STXBP5: variants seen among roughly 807,000 people sequenced by gnomAD.
The protein encoded by STXBP5 is syntaxin-binding protein 5.
In STXBP5, 50 loss-of-function variants were observed where a neutral mutation model predicts 152.4. That is an observed-to-expected ratio of 0.33 (90% CI 0.26 to 0.42). The LOEUF (loss-of-function observed/expected upper bound fraction) is 0.42. STXBP5 is among the 10% of genes least tolerant of loss of function. The probability of loss-of-function intolerance (pLI) is 1.00; values close to 1 mark genes in which losing one functional copy is unlikely to be tolerated. For missense variants in STXBP5, 1,167 were observed against 1,388.6 expected (o/e 0.84, Z 2.54); for synonymous variants, 492 against 494.7 (o/e 0.99, Z 0.07).
At chr6:147,274,978 A>G (rs566231819) in intron 7 of STXBP5, among the ~76,000 whole-genome samples, 2 of 152,306 alleles carry the variant, frequency 1.3e-5, no homozygotes, top group South Asian at 4.1e-4. Flanking sequence ...CAAAACCAGT[A>G]TGTAGAGAAT....
At chr6:147,338,008 T>A (rs1783914555) in intron 19 of STXBP5, among the ~76,000 whole-genome samples, 1 of 152,112 alleles carries the variant, frequency 6.6e-6, no homozygotes, top group Non-Finnish European at 1.5e-5. Context: ...GAGTGTTATA[T>A]GTGGTGTCAA....
intron 15 of STXBP5, 33 bp from the exon 16 acceptor site, chr6:147,316,194 TTA>T: frequency 6.3e-7 from 1 of 1,584,642 alleles, no homozygotes; most frequent in African/African-American, 1.3e-5. Context: ...GCAATAATTA[TTA>T]GGAGTAAGTA....
chr6:147,242,411 A>C (rs1036808663), intron 4 of STXBP5, among the ~76,000 whole-genome samples: 4 of 152,104 alleles, frequency 2.6e-5, no homozygotes, highest in Non-Finnish European at 5.9e-5. Context: ...TTTAGCCTGG[A>C]CTAAGAGTCC....
intron 8 of STXBP5, among the ~76,000 whole-genome samples, chr6:147,289,419 C>T (rs187822231): frequency 4.6e-5 from 7 of 152,136 alleles, no homozygotes; most frequent in African/African-American, 1.7e-4. Flanking sequence ...TTTGGAAGAA[C>T]CGATATTTTA....
intron 8 of STXBP5, among the ~76,000 whole-genome samples, chr6:147,285,599 G>A (rs139944010): frequency 6.6e-6 from 1 of 152,020 alleles, no homozygotes; most frequent in East Asian, 1.9e-4. Context: ...CAGAGGGACA[G>A]AAGTAAAAGT....
intron 26 of STXBP5, among the ~76,000 whole-genome samples, chr6:147,382,342 A>G (rs769348650): frequency 3.9e-5 from 6 of 152,176 alleles, no homozygotes; most frequent in Non-Finnish European, 5.9e-5. Context: ...TAAGCACAGT[A>G]TATTTTTAAG....
chr6:147,287,754 G>A (rs1431840358), intron 8 of STXBP5, among the ~76,000 whole-genome samples: 1 of 152,072 alleles, frequency 6.6e-6, no homozygotes, highest in Non-Finnish European at 1.5e-5. Context: ...ATATGCCATA[G>A]GAATTGGTCC....
chr6:147,353,809 G>A (rs908849077), intron 22 of STXBP5, among the ~76,000 whole-genome samples: 34 of 151,994 alleles, frequency 2.2e-4, no homozygotes, highest in African/African-American at 6.5e-4. Flanking sequence ...AAGAATCATC[G>A]TTACTAACTT....
At chr6:147,344,755 G>A (rs943678812) in intron 21 of STXBP5, among the ~76,000 whole-genome samples, 2 of 151,950 alleles carry the variant, frequency 1.3e-5, no homozygotes, top group African/African-American at 2.4e-5. Flanking sequence ...CTGGGGCTTA[G>A]GGCTTCTATA....
chr6:147,340,046 T>C (rs1784021012), intron 21 of STXBP5, among the ~76,000 whole-genome samples: 1 of 152,026 alleles, frequency 6.6e-6, no homozygotes, highest in Admixed American at 6.6e-5. Flanking sequence ...GTTCAGATGT[T>C]CTCCAAAGAT....
chr6:147,350,423 TAAATATGTTAA>T (rs1005613028), intron 21 of STXBP5, among the ~76,000 whole-genome samples: 4 of 152,136 alleles, frequency 2.6e-5, no homozygotes, highest in Non-Finnish European at 5.9e-5. Context: ...AATGAAAGCA[TAAATATGTTAA>T]ATAAACGTTC....
At chr6:147,267,585 T>C (rs1582867039) in intron 7 of STXBP5, among the ~76,000 whole-genome samples, 1 of 152,162 alleles carries the variant, frequency 6.6e-6, no homozygotes, top group East Asian at 1.9e-4. Context: ...CTTCCTTACC[T>C]TACCTCTCCT....
chr6:147,234,272 C>G (rs557414018), intron 2 of STXBP5, among the ~76,000 whole-genome samples: 15 of 151,916 alleles, frequency 9.9e-5, no homozygotes, highest in Admixed American at 6.6e-5. Context: ...AGTTTAGCAG[C>G]CAGTTAAAAT....
chr6:147,253,438 A>G (rs1313231033), intron 4 of STXBP5, among the ~76,000 whole-genome samples: 3 of 152,172 alleles, frequency 2.0e-5, no homozygotes, highest in Non-Finnish European at 4.4e-5. Flanking sequence ...CCAACATAGT[A>G]TTGGAAGTTC....
rs1782508731 is a variant in STXBP5, at chr6:147,313,945, G to A, written c.1207G>A (p.Glu403Lys). Residue 403 changes from glutamate (E) to lysine (K), a missense_variant, in exon 12 of 28, where the codon GAA (glutamate) becomes AAA (lysine). By Grantham distance (56) the Glu-to-Lys change is moderately conservative. This residue lies in a region of STXBP5 where 833 missense variants were observed against 986.3 expected (regional missense o/e 0.84). Coordinates refer to ENST00000321680, the MANE Select transcript of STXBP5 (RefSeq NM_001127715.4). Reference sequence around the variant, plus strand: ...ACATGAGTCCCCTGTTACATGTTGCGAATATTTTGCGGATTGTCCTGTGGA... The same window carrying A: ...ACATGAGTCCCCTGTTACATGTTGCAAATATTTTGCGGATTGTCCTGTGGA... Reference protein sequence around the residue: ...SIHESPVTCCEYFADCPVDLI... With the variant: ...SIHESPVTCCKYFADCPVDLI... The A allele has an allele frequency of 1.9e-6, 3 of 1,602,178 alleles. No individual in the cohort carries two copies. Among genetic ancestry groups the A allele is most frequent in the East Asian group, 2.2e-5 (1 of 44,742 alleles).
At chr6:147,315,983 A>G (rs538342471) in intron 15 of STXBP5, among the ~76,000 whole-genome samples, 1 of 152,288 alleles carries the variant, frequency 6.6e-6, no homozygotes, top group South Asian at 2.1e-4. Flanking sequence ...AGTATACTCT[A>G]ATTTGATATT....
chr6:147,232,487 G>C (rs1390806303), intron 2 of STXBP5, among the ~76,000 whole-genome samples: 1 of 151,668 alleles, frequency 6.6e-6, no homozygotes, highest in Non-Finnish European at 1.5e-5. Flanking sequence ...AATAACTTAC[G>C]AGTTTTTCTT....
intron 8 of STXBP5, among the ~76,000 whole-genome samples, chr6:147,290,501 GT>G (rs1456863201): frequency 1.3e-5 from 2 of 152,088 alleles, no homozygotes; most frequent in African/African-American, 4.8e-5. Flanking sequence ...CTTTTCCATA[GT>G]TTCTACAGTG....
At chr6:147,273,722 T>A (rs895147562) in intron 7 of STXBP5, among the ~76,000 whole-genome samples, 1 of 151,980 alleles carries the variant, frequency 6.6e-6, no homozygotes, top group Admixed American at 6.6e-5. Context: ...GAGGCCAAGG[T>A]GGGCAGATCA....
Sources: allele counts gnomAD v4.1 joint callset (sites outside exome capture counted in the v4.1 genomes callset), GRCh38; gene constraint gnomAD v4.1.1; regional missense constraint gnomAD v4.1.1; transcripts MANE v1.5; gene names NCBI Gene and HGNC (gene_info 2026-07-23, HGNC 2026-07-21).